The following CPS1 variants were observed in gnomAD, a reference collection of about 807,000 sequenced individuals.
CPS1 encodes carbamoyl-phosphate synthase 1.
CPS1 carries 109 observed loss-of-function variants against 174.6 expected under a neutral mutation model. The observed-to-expected ratio is 0.62, with a 90% CI of 0.53 to 0.73. The LOEUF (loss-of-function observed/expected upper bound fraction) is 0.73. Among genes scored for constraint, CPS1 ranks in the 30% least tolerant of loss-of-function variants. CPS1 has a pLI of 0.00. For missense variants in CPS1, 1,689 were observed against 1,821.9 expected, an observed-to-expected ratio of 0.93 and a Z score of 1.33; for synonymous variants, 637 against 632.0, an observed-to-expected ratio of 1.01 and a Z score of -0.12.
intron 1 of CPS1, among the ~76,000 whole-genome samples, chr2:210,535,412 A>T (rs1255037210): frequency 6.6e-6 from 1 of 152,080 alleles, no homozygotes; most frequent in Non-Finnish European, 1.5e-5. Flanking sequence ...ACCTTTTTGC[A>T]TTTAAAAACC....
chr2:210,493,258 G>C (rs1694913696), intron 1 of CPS1, among the ~76,000 whole-genome samples: 1 of 152,160 alleles, frequency 6.6e-6, no homozygotes, highest in Admixed American at 6.5e-5. Flanking sequence ...CTTAGATAAT[G>C]TTCAAATACT....
chr2:210,509,879 A>G (rs940385767), intron 1 of CPS1, among the ~76,000 whole-genome samples: 3 of 152,184 alleles, frequency 2.0e-5, no homozygotes, highest in Admixed American at 2.0e-4. Flanking sequence ...ATAAAAGAGG[A>G]TACAAACAAA....
intron 1 of CPS1, among the ~76,000 whole-genome samples, chr2:210,571,794 A>G (rs1333364987): frequency 6.6e-6 from 1 of 151,824 alleles, no homozygotes; most frequent in Non-Finnish European, 1.5e-5. Context: ...TTATAAAGCA[A>G]GAGGAACATA....
At chr2:210,611,708 T>C (rs886282010) in intron 19 of CPS1, among the ~76,000 whole-genome samples, 2 of 151,936 alleles carry the variant, frequency 1.3e-5, no homozygotes, top group Admixed American at 6.6e-5. Flanking sequence ...TCTGTTTCAG[T>C]GTTAATATAT....
chr2:210,520,472 C>A (rs1274442953), intron 1 of CPS1, among the ~76,000 whole-genome samples: 1 of 151,992 alleles, frequency 6.6e-6, no homozygotes, highest in Non-Finnish European at 1.5e-5. Context: ...TTGTCCTCCA[C>A]CTCACGATGG....
chr2:210,637,900 G>T lies in CPS1; in HGVS notation c.2829+57G>T, dbSNP rs892625608. 3.1e-6 allele frequency: 5 copies of T among 1,587,344 alleles called. No individual in the cohort carries two copies. In the Admixed American group the frequency reaches 5.0e-5, roughly 16 times the overall value. On this transcript the variant is annotated intron_variant, in intron 22 of 37. Transcript: ENST00000233072. ...ACTGACAGGATTTCTGTGGTAAAAC[G>T]TAGGCACCCATTCAAAAGGCCATTG...
intron 1 of CPS1, among the ~76,000 whole-genome samples, chr2:210,492,948 A>G: frequency 6.6e-6 from 1 of 152,188 alleles, no homozygotes; most frequent in East Asian, 1.9e-4. Flanking sequence ...AATTCAAAGT[A>G]CTGACACATA....
At chr2:210,569,574 T>A (rs570795469) in intron 1 of CPS1, among the ~76,000 whole-genome samples, 2 of 152,170 alleles carry the variant, frequency 1.3e-5, no homozygotes, top group East Asian at 3.9e-4. Flanking sequence ...ATCCATTCCC[T>A]TATCTAGCCT....
chr2:210,602,544 G>A (rs1698764467), intron 16 of CPS1, among the ~76,000 whole-genome samples: 1 of 151,856 alleles, frequency 6.6e-6, no homozygotes, highest in Non-Finnish European at 1.5e-5. Flanking sequence ...CATGGTTCAA[G>A]GTAAACCAGT....
At chr2:210,672,451 C>G (rs190639441) in intron 34 of CPS1, 22 of 152,158 alleles carry the variant, frequency 1.4e-4, no homozygotes, top group Admixed American at 4.6e-4. Flanking sequence ...GGGTATTTAA[C>G]AACATTTGGA....
chr2:210,495,506 AAC>A (rs1249763440), intron 1 of CPS1, among the ~76,000 whole-genome samples: 2 of 152,230 alleles, frequency 1.3e-5, no homozygotes, highest in Non-Finnish European at 2.9e-5. Context: ...TTTAAATAAA[AAC>A]AGTGTCAGTA....
At chr2:210,587,924 C>A in intron 6 of CPS1, 134 bp from the exon 7 acceptor site, 1 of 817,812 alleles carries the variant, frequency 1.2e-6, no homozygotes, top group Non-Finnish European at 2.2e-6. Flanking sequence ...TTGTTAACTG[C>A]CAGTCACTCC....
At chr2:210,484,543 C>T (rs761862698) in intron 1 of CPS1, among the ~76,000 whole-genome samples, 3 of 152,114 alleles carry the variant, frequency 2.0e-5, no homozygotes, top group Admixed American at 6.6e-5. Flanking sequence ...TTACATTTGT[C>T]TTATCTGAGT....
At chr2:210,580,038 T>C (rs1697864565) in intron 5 of CPS1, among the ~76,000 whole-genome samples, 1 of 152,220 alleles carries the variant, frequency 6.6e-6, no homozygotes, top group Non-Finnish European at 1.5e-5. Flanking sequence ...GTGTTCATTA[T>C]ACCAACAAGT....
At chr2:210,533,068 G>T (rs1422247492) in intron 1 of CPS1, among the ~76,000 whole-genome samples, 2 of 152,090 alleles carry the variant, frequency 1.3e-5, no homozygotes, top group East Asian at 3.9e-4. Flanking sequence ...GAGGGAAGTC[G>T]CTTTACAGGT....
Position 210,654,089 on chromosome 2 carries a change from G to C in CPS1, c.3545G>C (p.Gly1182Ala). ...CGAGAAGTAGAAATGGACGCTGTTG[G>C]CAAAGATGGAAGGGTAAGTGCTTTA... ...GAREVEMDAV[G>A]KDGRVISHAI... Residue 1182 changes from glycine (G) to alanine (A), a missense_variant, in exon 29 of 38, where the codon GGC becomes GCC. Physicochemically the swap from Gly to Ala is moderately conservative, Grantham distance 60. Transcript: ENST00000233072. 6.2e-7 allele frequency: 1 copy of C among 1,613,918 alleles called. No homozygotes were observed. The highest frequency in any genetic ancestry group is 2.2e-5 in the East Asian group (1 of 44,874).
At chr2:210,535,638 C>T (rs1275613585) in intron 1 of CPS1, among the ~76,000 whole-genome samples, 2 of 152,038 alleles carry the variant, frequency 1.3e-5, no homozygotes, top group African/African-American at 2.4e-5. Flanking sequence ...ATGTATTTAC[C>T]ATCTCCTCTG....
At position 210,647,986 on chromosome 2, in the gene CPS1, C is replaced by G. The variant is rs1392559810; in HGVS notation, c.3265C>G (p.Arg1089Gly). Residue 1089 changes from arginine to glycine, a missense_variant, in exon 26 of 38, where the codon CGC (arginine) becomes GGC (glycine). By Grantham distance (125) the Arg-to-Gly change is moderately radical. Transcript: ENST00000233072. ...CCTGCAGATCGACAGGGCTGAGGATCGCTCCATCTTCTCAGCTGTCTTGGA... is the reference window on the plus strand; with the variant it reads ...CCTGCAGATCGACAGGGCTGAGGATGGCTCCATCTTCTCAGCTGTCTTGGA... ...SPLQIDRAEDRSIFSAVLDEL... is the reference protein window; with the variant it reads ...SPLQIDRAEDGSIFSAVLDEL... The G allele has an allele frequency of 6.2e-7, 1 of 1,613,888 alleles. No homozygotes were observed. Among genetic ancestry groups the G allele is most frequent in the Non-Finnish European group, 8.5e-7 (1 of 1,179,936 alleles).
intron 1 of CPS1, among the ~76,000 whole-genome samples, chr2:210,495,871 A>AGT (rs377412983): frequency 7.7e-4 from 116 of 151,104 alleles, no homozygotes; most frequent in African/African-American, 2.6e-3. Context: ...TGTGTGGGTG[A>AGT]GTGTGTGTGT....
Sources: gnomAD v4.1 joint callset for allele counts (sites outside exome capture counted in the v4.1 genomes callset) on GRCh38, gnomAD v4.1.1 for gene constraint, MANE v1.5 for transcripts, NCBI Gene and HGNC (gene_info 2026-07-23, HGNC 2026-07-21) for gene names.